The following DPH6 variants were observed in gnomAD, a reference collection of about 807,000 sequenced individuals.
The protein encoded by DPH6 is diphthine--ammonia ligase.
In DPH6, 33 loss-of-function variants were observed where a neutral mutation model predicts 38.2. The ratio of observed to expected loss-of-function variants is 0.86; its 90% CI spans 0.65 to 1.15. The LOEUF is 1.15. Ranked by LOEUF, DPH6 falls within the 50% of genes most tolerant of loss-of-function variation. The pLI is 0.00. For missense variants in DPH6, 325 were observed against 320.0 expected, an observed-to-expected ratio of 1.02 and a Z score of -0.12; for synonymous variants, 108 against 103.0, an observed-to-expected ratio of 1.05 and a Z score of -0.30.
intron 3 of DPH6, among the ~76,000 whole-genome samples, chr15:35,460,861 A>G (rs188441764): frequency 6.6e-6 from 1 of 150,520 alleles, no homozygotes; most frequent in East Asian, 2.0e-4. Flanking sequence ...TTTTAACAAT[A>G]GAGACGGCAC....
intron 5 of DPH6, among the ~76,000 whole-genome samples, chr15:35,449,177 C>A (rs553769551): frequency 4.6e-5 from 7 of 152,094 alleles, no homozygotes; most frequent in African/African-American, 1.7e-4. Flanking sequence ...TAAAGAATAA[C>A]TTTCATCTTT....
intron 3 of DPH6, among the ~76,000 whole-genome samples, chr15:35,459,647 A>G (rs1035360087): frequency 1.3e-5 from 2 of 152,144 alleles, no homozygotes; most frequent in Non-Finnish European, 2.9e-5. Context: ...GAAATAGGAT[A>G]TAGGGTGAGA....
chr15:35,155,684 A>T, the DPH6 span, among the ~76,000 whole-genome samples: 1 of 152,246 alleles, frequency 6.6e-6, no homozygotes, highest in African/African-American at 2.4e-5. Context: ...AGTGACACTC[A>T]GCTTGAGGGA....
intron 3 of DPH6, among the ~76,000 whole-genome samples, chr15:35,246,162 CT>C (rs2051636783): frequency 1.3e-5 from 2 of 152,284 alleles, no homozygotes; most frequent in South Asian, 4.1e-4. Flanking sequence ...TGCTGACTCT[CT>C]TTTCGGACTC....
At chr15:35,401,618 G>A (rs1257353330) in intron 6 of DPH6, 10 of 759,660 alleles carry the variant, frequency 1.3e-5, no homozygotes, top group Non-Finnish European at 1.9e-5. Flanking sequence ...AATCATCTTC[G>A]AATTTTGGAA....
chr15:35,276,279 T>C (rs1002950407), intron 3 of DPH6, among the ~76,000 whole-genome samples: 3 of 152,116 alleles, frequency 2.0e-5, no homozygotes, highest in African/African-American at 4.8e-5. Flanking sequence ...TTTGATGGGA[T>C]TGTTTGTTTT....
intron 6 of DPH6, chr15:35,401,119 G>T (rs776079461): frequency 2.2e-6 from 2 of 925,618 alleles, no homozygotes; most frequent in East Asian, 2.4e-5. Context: ...TGATGACCAT[G>T]ACTTTGTGGA....
intron 1 of DPH6, among the ~76,000 whole-genome samples, chr15:35,544,174 G>GT (rs1264496717): frequency 6.6e-6 from 1 of 152,184 alleles, no homozygotes; most frequent in Non-Finnish European, 1.5e-5. Flanking sequence ...ACTAAGCTAA[G>GT]TTATTCAATG....
intron 5 of DPH6, among the ~76,000 whole-genome samples, chr15:35,435,964 G>A (rs1479687257): frequency 6.6e-6 from 1 of 151,794 alleles, no homozygotes; most frequent in East Asian, 1.9e-4. Context: ...GACCGTAATG[G>A]CACCTATCTT....
intron 5 of DPH6, among the ~76,000 whole-genome samples, chr15:35,419,538 G>T (rs749140403): frequency 6.6e-6 from 1 of 152,000 alleles, no homozygotes; most frequent in Admixed American, 6.6e-5. Flanking sequence ...CAAACTATAT[G>T]CTGCCTACAA....
At chr15:35,473,776 G>A (rs1411548844) in intron 3 of DPH6, among the ~76,000 whole-genome samples, 1 of 151,942 alleles carries the variant, frequency 6.6e-6, no homozygotes, top group Non-Finnish European at 1.5e-5. Flanking sequence ...TCCTCAGTAG[G>A]GCAGTGGTTA....
chr15:35,165,221 T>C, the DPH6 span, among the ~76,000 whole-genome samples: 1 of 151,920 alleles, frequency 6.6e-6, no homozygotes, highest in African/African-American at 2.4e-5. Context: ...AGACTTAAAT[T>C]GTAAGTAGGC....
chr15:35,440,545 C>T (rs952676638), intron 5 of DPH6, among the ~76,000 whole-genome samples: 1 of 152,156 alleles, frequency 6.6e-6, no homozygotes, highest in East Asian at 1.9e-4. Flanking sequence ...CAAAACAGTA[C>T]CCCCTCTGTC....
At chr15:35,401,050 G>A in intron 6 of DPH6, 3 of 887,624 alleles carry the variant, frequency 3.4e-6, no homozygotes, top group Non-Finnish European at 5.6e-6. Flanking sequence ...CATCACCTAA[G>A]AGATTATTTT....
At chr15:35,433,272 T>C (rs1010048899) in intron 5 of DPH6, among the ~76,000 whole-genome samples, 6 of 152,164 alleles carry the variant, frequency 3.9e-5, no homozygotes, top group African/African-American at 1.4e-4. Flanking sequence ...ATGATAGCAA[T>C]TGATATACAC....
chr15:35,454,696 C>T, intron 4 of DPH6, 51 bp downstream of exon 4: 1 of 1,439,318 alleles, frequency 6.9e-7, no homozygotes, highest in South Asian at 1.2e-5. Flanking sequence ...CACTTATTCA[C>T]ATTCTTAAAA....
chr15:35,300,170 G>A (rs1043245027), intron 3 of DPH6, among the ~76,000 whole-genome samples: 1 of 152,166 alleles, frequency 6.6e-6, no homozygotes. Context: ...AAAAATGGAA[G>A]ATGGAGCACA....
chr15:35,146,923 C>A, the DPH6 span, among the ~76,000 whole-genome samples: 1 of 152,142 alleles, frequency 6.6e-6, no homozygotes, highest in African/African-American at 2.4e-5. Flanking sequence ...TTGGGAAAAT[C>A]GTAATTGATT....
intron 6 of DPH6, among the ~76,000 whole-genome samples, chr15:35,404,597 T>C (rs1011927090): frequency 6.6e-6 from 1 of 152,188 alleles, no homozygotes; most frequent in Non-Finnish European, 1.5e-5. Context: ...TATAGAGTTG[T>C]ATAAGCTCCT....
Sources: gnomAD v4.1 joint callset for allele counts (sites outside exome capture counted in the v4.1 genomes callset) on GRCh38, gnomAD v4.1.1 for gene constraint, MANE v1.5 for transcripts, NCBI Gene and HGNC (gene_info 2026-07-23, HGNC 2026-07-21) for gene names.